Variants in PHACTR3 observed in about 807,000 individuals in gnomAD.
PHACTR3 encodes the protein protein phosphatase 1, regulatory subunit 123.
Under a neutral mutation model 66.8 loss-of-function variants are expected in PHACTR3, and 16 were observed. The ratio of observed to expected loss-of-function variants is 0.24; its 90% confidence interval spans 0.16 to 0.36. The LOEUF is 0.36. Ranked by LOEUF, PHACTR3 falls within the 10% of genes least tolerant of loss-of-function variation. The pLI is 1.00. For synonymous variants in PHACTR3, 323 were observed against 292.1 expected (o/e 1.11, Z -1.08); for missense variants, 647 against 719.9 (o/e 0.90, Z 1.16).
rs2032754774 is a variant in PHACTR3 at position 59,577,755 on chromosome 20, A to G, written c.109+138A>G. On this transcript the variant is annotated intron_variant, in intron 1 of 12. Transcript: ENST00000359926. The stretch of plus-strand genomic sequence containing the variant: ...TGGCCGGGAGGCCCGCTGCGCCCCC[A>G]GCCACAGAGGTGGGCGCCCCGGGTC... 3 of 509,752 alleles carry G rather than the reference A, an allele frequency of 5.9e-6. No homozygotes were observed. In the East Asian group the frequency reaches 1.5e-4, roughly 26 times the overall value. 31.6% of individuals were successfully genotyped at this position (509,752 alleles called of 1,614,324 possible). A position where few individuals can be genotyped will look rare whatever the true frequency, so the allele number is the denominator to read the frequency against.
chr20:59,717,783 G>C (rs1194632023), intron 1 of PHACTR3, among the ~76,000 whole-genome samples: 3 of 152,194 alleles, frequency 2.0e-5, no homozygotes, highest in African/African-American at 7.2e-5. Context: ...CTCCAGAATG[G>C]CATTTTTTAG....
chr20:59,715,123 A>T (rs1349319563), intron 1 of PHACTR3, among the ~76,000 whole-genome samples: 1 of 152,172 alleles, frequency 6.6e-6, no homozygotes, highest in East Asian at 1.9e-4. Context: ...TTCCTTTCCG[A>T]TCCTTAAACA....
At chr20:59,684,583 G>C (rs1437270852) in intron 1 of PHACTR3, among the ~76,000 whole-genome samples, 2 of 152,182 alleles carry the variant, frequency 1.3e-5, no homozygotes, top group African/African-American at 2.4e-5. Flanking sequence ...TAGGAAGCAT[G>C]TAAACAGACT....
chr20:59,623,205 G>A (rs571659414), intron 1 of PHACTR3, among the ~76,000 whole-genome samples: 2 of 152,124 alleles, frequency 1.3e-5, no homozygotes, highest in South Asian at 2.1e-4. Flanking sequence ...ATTCCAGGGC[G>A]GCTGGAGACA....
intron 9 of PHACTR3, among the ~76,000 whole-genome samples, chr20:59,838,930 C>A (rs1168647473): frequency 1.3e-5 from 2 of 151,900 alleles, no homozygotes; most frequent in African/African-American, 4.8e-5. Flanking sequence ...GAGGAGGTCT[C>A]CAACAGAGCG....
At chr20:59,714,472 C>G (rs559148780) in intron 1 of PHACTR3, among the ~76,000 whole-genome samples, 1 of 152,316 alleles carries the variant, frequency 6.6e-6, no homozygotes, top group East Asian at 1.9e-4. Context: ...CAGCTGTGTT[C>G]TTTTCTCATA....
At chr20:59,669,642 C>G (rs2036123687) in intron 1 of PHACTR3, among the ~76,000 whole-genome samples, 1 of 152,206 alleles carries the variant, frequency 6.6e-6, no homozygotes. Context: ...TTCCTTTCCC[C>G]CGGCCCCTGG....
chr20:59,838,534 C>T (rs1336950271), intron 9 of PHACTR3, among the ~76,000 whole-genome samples: 1 of 152,164 alleles, frequency 6.6e-6, no homozygotes, highest in Non-Finnish European at 1.5e-5. Context: ...GTGCCAGGGA[C>T]TATATTCAGT....
chr20:59,627,159 C>T (rs1174388002), intron 1 of PHACTR3, among the ~76,000 whole-genome samples: 1 of 152,210 alleles, frequency 6.6e-6, no homozygotes, highest in Non-Finnish European at 1.5e-5. Flanking sequence ...CCCAGGCATG[C>T]ATCCTTTAGG....
At chr20:59,764,499 G>T (rs932389822) in intron 4 of PHACTR3, among the ~76,000 whole-genome samples, 2 of 152,126 alleles carry the variant, frequency 1.3e-5, no homozygotes, top group Admixed American at 1.3e-4. Flanking sequence ...GCAGGTTCGG[G>T]TATTTTATAC....
At chr20:59,606,123 C>T (rs2033659817) in intron 1 of PHACTR3, among the ~76,000 whole-genome samples, 1 of 152,174 alleles carries the variant, frequency 6.6e-6, no homozygotes, top group African/African-American at 2.4e-5. Context: ...GACTTATTCT[C>T]TCTAAATGCA....
chr20:59,639,846 G>C (rs2035038463), intron 1 of PHACTR3, among the ~76,000 whole-genome samples: 1 of 152,198 alleles, frequency 6.6e-6, no homozygotes, highest in African/African-American at 2.4e-5. Flanking sequence ...GATGTACTGT[G>C]CTGGGATATA....
At chr20:59,802,989 G>T (rs750212272) in intron 7 of PHACTR3, among the ~76,000 whole-genome samples, 18 of 152,310 alleles carry the variant, frequency 1.2e-4, no homozygotes, top group Non-Finnish European at 1.9e-4. Context: ...AAGGCCTTTT[G>T]CACTGGGTGA....
At chr20:59,798,540 T>C (rs1048914168) in intron 7 of PHACTR3, among the ~76,000 whole-genome samples, 1 of 152,218 alleles carries the variant, frequency 6.6e-6, no homozygotes, top group South Asian at 2.1e-4. Flanking sequence ...TTAATAAATA[T>C]AGGTCCATTC....
intron 1 of PHACTR3, among the ~76,000 whole-genome samples, chr20:59,632,210 G>T (rs780051772): frequency 6.6e-6 from 1 of 152,076 alleles, no homozygotes. Flanking sequence ...GATGTGCTGG[G>T]GTTGAGCACC....
intron 1 of PHACTR3, among the ~76,000 whole-genome samples, chr20:59,646,138 G>A (rs918566278): frequency 5.3e-5 from 8 of 152,208 alleles, no homozygotes; most frequent in Admixed American, 1.3e-4. Flanking sequence ...GTCTGAGGGA[G>A]GAAGTAAGGC....
At position 59,699,113 on chromosome 20, in the gene PHACTR3, C is replaced by G. The variant is rs536300567; in HGVS notation, c.119-43994C>G. On this transcript the variant is annotated intron_variant, in intron 1 of 12. Transcript: ENST00000371015. ...TTATAAGCCCAGAAGATTCCAAGAA[C>G]AGGGAAAATATCTAAAACCAAGTCA... Among the ~76,000 whole-genome samples, 12 of 152,290 alleles carry G rather than the reference C, an allele frequency of 7.9e-5. No homozygotes were observed. In the South Asian group the frequency reaches 2.5e-3, roughly 32 times the overall value.
intron 1 of PHACTR3, among the ~76,000 whole-genome samples, chr20:59,714,825 A>C (rs565092361): frequency 2.0e-4 from 31 of 152,298 alleles, no homozygotes; most frequent in Admixed American, 5.9e-4. Flanking sequence ...GGTATATCCC[A>C]CCTTGTATTT....
chr20:59,836,712 C>T, intron 9 of PHACTR3, 152 bp downstream of exon 9: 1 of 713,356 alleles, frequency 1.4e-6, no homozygotes, highest in Non-Finnish European at 2.3e-6. Context: ...TGAAAGCAAG[C>T]CCCAAAGGAA....
Sources: gnomAD v4.1 joint callset for allele counts (sites outside exome capture counted in the v4.1 genomes callset) on GRCh38, gnomAD v4.1.1 for gene constraint, MANE v1.5 for transcripts, NCBI Gene and HGNC (gene_info 2026-07-23, HGNC 2026-07-21) for gene names.